NECTIN1: variants seen among roughly 807,000 people sequenced by gnomAD.
NECTIN1 encodes nectin-1.
A neutral mutation model predicts 48.0 loss-of-function variants in NECTIN1; 23 were observed. The observed-to-expected ratio is 0.48, with a 90% CI of 0.34 to 0.68. The LOEUF (loss-of-function observed/expected upper bound fraction) is 0.68. Ranked by LOEUF, NECTIN1 falls within the 30% of genes least tolerant of loss-of-function variation. The pLI is 0.01. For synonymous variants in NECTIN1, 270 were observed against 288.9 expected, an observed-to-expected ratio of 0.93 and a Z score of 0.66; for missense variants, 591 against 709.9, an observed-to-expected ratio of 0.83 and a Z score of 1.90.
In NECTIN1 at chr11:119,662,388, G is replaced by C; in HGVS notation, c.*2359C>G. ...GCAGCTGCTCGGTGGGTATGCTGAG[G>C]CTGGGCCCCTGGCAAGTCAGGAGCC... On this transcript the variant is annotated 3_prime_UTR_variant, in exon 6 of 6. Coordinates refer to ENST00000264025, the MANE Select transcript of NECTIN1 (RefSeq NM_002855.5). This position sits in a 1 kb window ranked among gnomAD's most constrained non-coding sequence, Gnocchi z 5.3. 4 of 985,788 alleles carry C rather than the reference G, an allele frequency of 4.1e-6. No homozygotes were observed. The highest frequency in any genetic ancestry group is 4.8e-6 in the Non-Finnish European group (4 of 829,932). The allele number at this position is 985,788 out of a possible 1,614,324, so 61.1% of individuals were successfully genotyped here.
chr11:119,677,907 A>C lies in NECTIN1; in HGVS notation c.431-50T>G. ...GGGACTAGCCCTGTTGACTTGTCCA[A>C]GATGCACCGGCCAAAAGGGCGTGGC... On this transcript the variant is annotated intron_variant, in intron 2 of 5. Transcript: ENST00000264025. This position sits in a 1 kb window ranked among gnomAD's most constrained non-coding sequence, Gnocchi z 5.4. 6.3e-7 allele frequency: 1 copy of C among 1,585,942 alleles called. No homozygotes were observed. Among genetic ancestry groups the C allele is most frequent in the Non-Finnish European group, 8.6e-7 (1 of 1,157,978 alleles).
chr11:119,639,873 A>T (rs771549215), exon 6 of NECTIN1: 12 of 1,613,914 alleles, frequency 7.4e-6, no homozygotes, highest in Non-Finnish European at 2.5e-6. Context: ...ACCCGGCCCC[A>T]TCCGTCTCCG....
intron 6 of NECTIN1, chr11:119,638,840 A>G (rs1317051646): frequency 3.8e-6 from 6 of 1,577,704 alleles, no homozygotes; most frequent in Non-Finnish European, 5.2e-6. Flanking sequence ...TCAGCACAGG[A>G]GCACACATGG....
chr11:119,729,053 G>T lies in NECTIN1; in HGVS notation c.-500C>A. On this transcript the variant is annotated 5_prime_UTR_variant, in exon 1 of 6. Transcript: ENST00000264025. ...GGCCCAGGCGGCGGGCGCGGGGCTC[G>T]GCGGTCGGCGGCCCGGGTGGCTCTG... 1 of 150,902 alleles carries T rather than the reference G, an allele frequency of 6.6e-6. No homozygotes were observed. Among genetic ancestry groups the T allele is most frequent in the South Asian group, 1.8e-4 (1 of 5,620 alleles). 9.3% of individuals were successfully genotyped at this position (150,902 alleles called of 1,614,324 possible).
At chr11:119,705,962 A>C (rs188950968) in intron 1 of NECTIN1, among the ~76,000 whole-genome samples, 3 of 147,428 alleles carry the variant, frequency 2.0e-5, no homozygotes, top group African/African-American at 8.0e-5. Context: ...GGAGGCGGGG[A>C]GGGGCGGGGC....
At position 119,728,878 on chromosome 11, in the gene NECTIN1, C is replaced by T; in HGVS notation, c.-325G>A. On this transcript the variant is annotated 5_prime_UTR_variant, in exon 1 of 6. It adds an upstream start codon to the 5' untranslated region. Transcript: ENST00000264025. The stretch of plus-strand genomic sequence containing the variant: ...GAGCGGGGCTGGGGAGAGGGACCCA[C>T]CCCCGGCGCGCCCGGCTGCCCGGTT... 4.0e-6 allele frequency: 1 copy of T among 252,242 alleles called. No individual in the cohort carries two copies. Among genetic ancestry groups the T allele is most frequent in the Non-Finnish European group, 7.5e-6 (1 of 133,124 alleles). 15.6% of individuals were successfully genotyped at this position (252,242 alleles called of 1,614,324 possible).
At chr11:119,638,795 G>A (rs776525230) in exon 7 of NECTIN1, 2 of 1,613,918 alleles carry the variant, frequency 1.2e-6, no homozygotes, top group East Asian at 2.2e-5. Context: ...CTGGGAGAGG[G>A]GCTGGTCGGT....
In NECTIN1 at chr11:119,728,776, G is replaced by A. The variant is rs1865965043; in HGVS notation, c.-223C>T. On this transcript the variant is annotated 5_prime_UTR_variant, in exon 1 of 6. Coordinates refer to ENST00000264025, the MANE Select transcript of NECTIN1 (RefSeq NM_002855.5). ...CTCAGAGGCTCGGCAGATGCCCGCC[G>A]CAAGTTGCACGAGTCATGCCCCTTC... is the stretch of plus-strand genomic sequence containing the variant. 2 of 442,370 alleles carry A rather than the reference G, an allele frequency of 4.5e-6. No homozygotes were observed. The highest frequency in any genetic ancestry group is 4.6e-5 in the South Asian group (1 of 21,846). 27.4% of individuals were successfully genotyped at this position (442,370 alleles called of 1,614,324 possible).
chr11:119,667,550 G>A (rs527244784), intron 5 of NECTIN1, among the ~76,000 whole-genome samples: 2 of 152,300 alleles, frequency 1.3e-5, no homozygotes, highest in African/African-American at 2.4e-5. Flanking sequence ...GGAGGAGGCC[G>A]GACTTGGAGA....
At position 119,678,318 on chromosome 11, in the gene NECTIN1, A is replaced by G. The variant is rs891117893; in HGVS notation, c.430+97T>C. The G allele has an allele frequency of 8.6e-7, 1 of 1,158,420 alleles. No homozygotes were observed. The allele number at this position is 1,158,420 out of a possible 1,614,324, so 71.8% of individuals were successfully genotyped here. ...AGAATGATGGCAGCATGCCCACCCA[A>G]GGGGGATGTCTGGGGTCATTGAGGC... On this transcript the variant is annotated intron_variant, in intron 2 of 5. Transcript: ENST00000264025. The surrounding 1 kb of genome is among the most constrained non-coding windows in gnomAD (Gnocchi z 4.4).
At chr11:119,714,760 G>C (rs1347481031) in intron 1 of NECTIN1, among the ~76,000 whole-genome samples, 1 of 149,386 alleles carries the variant, frequency 6.7e-6, no homozygotes, top group Admixed American at 6.6e-5. Context: ...TGGGAAGGGG[G>C]TGGGGGTGGG....
chr11:119,707,847 CT>C (rs1865574479), intron 1 of NECTIN1, among the ~76,000 whole-genome samples: 1 of 152,242 alleles, frequency 6.6e-6, no homozygotes, highest in African/African-American at 2.4e-5. Flanking sequence ...TCTTCTACCC[CT>C]GCTTTAATTC....
In NECTIN1 at chr11:119,677,235, T is replaced by G; in HGVS notation, c.734-16A>C. 1 of 1,605,280 alleles carries G rather than the reference T, an allele frequency of 6.2e-7. No individual in the cohort carries two copies. Among genetic ancestry groups the G allele is most frequent in the Non-Finnish European group, 8.5e-7 (1 of 1,172,124 alleles). On this transcript the variant is annotated splice_polypyrimidine_tract_variant and intron_variant, in intron 3 of 5. Coordinates refer to ENST00000264025, the MANE Select transcript of NECTIN1 (RefSeq NM_002855.5). This position sits in a 1 kb window ranked among gnomAD's most constrained non-coding sequence, Gnocchi z 5.4. ...TCAGGCTCATCTGTGGGGCAAGGGA[T>G]GTTTGAAGAGGGTGAGGTCAGGAGA...
chr11:119,724,669 A>G (rs1865882494), intron 1 of NECTIN1, among the ~76,000 whole-genome samples: 1 of 152,218 alleles, frequency 6.6e-6, no homozygotes, highest in Non-Finnish European at 1.5e-5. Flanking sequence ...TTATATATTT[A>G]TGGCCCTAGT....
At chr11:119,713,795 C>T in intron 1 of NECTIN1, 1 of 454,452 alleles carries the variant, frequency 2.2e-6, no homozygotes, top group Admixed American at 2.4e-5. Flanking sequence ...AGGGCAGCTC[C>T]TATCTCTCCT....
chr11:119,707,665 G>A (rs779940959), intron 1 of NECTIN1, among the ~76,000 whole-genome samples: 1 of 152,162 alleles, frequency 6.6e-6, no homozygotes, highest in Non-Finnish European at 1.5e-5. Context: ...TCAGACTAAT[G>A]TACTGTCTCT....
At chr11:119,692,201 G>A (rs901480352) in intron 1 of NECTIN1, among the ~76,000 whole-genome samples, 2 of 152,238 alleles carry the variant, frequency 1.3e-5, no homozygotes, top group African/African-American at 4.8e-5. Context: ...GGTTTCAGGA[G>A]TCACTGGGTA....
rs769182513 is a variant in NECTIN1 at position 119,675,317 on chromosome 11, G to A, written c.852-7C>T. ...GGGGAGAGAGCCATTTAGCCTGTGG[G>A]AAGTGGGAGACACAGCGTAGGGTTA... On this transcript the variant is annotated splice_region_variant and splice_polypyrimidine_tract_variant and intron_variant, in intron 4 of 5. Coordinates refer to ENST00000264025, the MANE Select transcript of NECTIN1 (RefSeq NM_002855.5). 1.2e-6 allele frequency: 2 copies of A among 1,614,172 alleles called. No homozygotes were observed. Among genetic ancestry groups the A allele is most frequent in the Non-Finnish European group, 1.7e-6 (2 of 1,180,028 alleles).
At chr11:119,713,581 ATC>A in intron 1 of NECTIN1, 1 of 191,486 alleles carries the variant, frequency 5.2e-6, no homozygotes. Flanking sequence ...CCTTGCCCTT[ATC>A]TCCTCTTATC....
Sources: allele counts gnomAD v4.1 joint callset (sites outside exome capture counted in the v4.1 genomes callset), GRCh38; gene constraint gnomAD v4.1.1; non-coding constraint Gnocchi (gnomAD v3.1); transcripts MANE v1.5; gene names NCBI Gene and HGNC (gene_info 2026-07-23, HGNC 2026-07-21).